The following ZNF254 variants were observed in gnomAD, a reference collection of about 807,000 sequenced individuals.
ZNF254 encodes CTD-2017D11.1.
A neutral mutation model predicts 12.4 loss-of-function variants in ZNF254; 10 were observed. The ratio of observed to expected loss-of-function variants is 0.80; its 90% confidence interval spans 0.50 to 1.36. The LOEUF (loss-of-function observed/expected upper bound fraction) is 1.36. Ranked by LOEUF, ZNF254 falls within the 40% of genes most tolerant of loss-of-function variation. The probability of loss-of-function intolerance (pLI) is 0.00; values close to 1 mark genes in which losing one functional copy is unlikely to be tolerated. For missense variants in ZNF254, 996 were observed against 763.9 expected (o/e 1.30, Z -3.58); for synonymous variants, 305 against 253.4 (o/e 1.20, Z -1.93).
At chr19:24,090,080 C>T (rs192016418) in intron 1 of ZNF254, among the ~76,000 whole-genome samples, 5 of 150,308 alleles carry the variant, frequency 3.3e-5, no homozygotes, top group East Asian at 3.9e-4. Context: ...GGCCTGTAAT[C>T]GCAGCTACTC....
At chr19:24,093,157 G>T (rs1442483018) in intron 1 of ZNF254, among the ~76,000 whole-genome samples, 4 of 151,324 alleles carry the variant, frequency 2.6e-5, no homozygotes, top group African/African-American at 9.7e-5. Flanking sequence ...TTTTTTTCTT[G>T]TAAACTTAAG....
chr19:24,112,627 GAGC>G (rs1358365413), intron 3 of ZNF254, among the ~76,000 whole-genome samples: 5 of 151,054 alleles, frequency 3.3e-5, no homozygotes, highest in Non-Finnish European at 7.4e-5. Flanking sequence ...TTATTTCATT[GAGC>G]AGTGGTTTGT....
intron 2 of ZNF254, among the ~76,000 whole-genome samples, chr19:24,046,862 C>CT (rs756475156): frequency 2.5e-3 from 354 of 139,792 alleles, no homozygotes; most frequent in African/African-American, 5.1e-3. Flanking sequence ...TTCATCTTTC[C>CT]TTTTTTTTTT....
chr19:24,050,325 G>A (rs772729091), intron 2 of ZNF254, among the ~76,000 whole-genome samples: 17 of 151,946 alleles, frequency 1.1e-4, no homozygotes, highest in Non-Finnish European at 2.2e-4. Flanking sequence ...ACGTCTGGCT[G>A]ATTTTTGTGT....
intron 2 of ZNF254, among the ~76,000 whole-genome samples, chr19:24,064,893 C>G (rs1971214871): frequency 6.6e-6 from 1 of 152,278 alleles, no homozygotes; most frequent in Middle Eastern, 3.4e-3. Flanking sequence ...TGTGTGGGCT[C>G]TCACACAGAA....
At chr19:24,084,640 A>AT (rs772667054), upstream of ZNF254, among the ~76,000 whole-genome samples, 140 of 152,060 alleles carry the variant, frequency 9.2e-4, no homozygotes, top group African/African-American at 3.3e-3. Context: ...TTTATTTTTT[A>AT]TTTTTTAGAA....
chr19:24,116,707 T>G (rs1479999553), intron 3 of ZNF254, among the ~76,000 whole-genome samples: 4 of 152,202 alleles, frequency 2.6e-5, no homozygotes, highest in Non-Finnish European at 5.9e-5. Flanking sequence ...GTCAAAGTCA[T>G]TCTCCACCCA....
chr19:24,086,622 C>T (rs758200950), upstream of ZNF254, among the ~76,000 whole-genome samples: 1 of 152,120 alleles, frequency 6.6e-6, no homozygotes, highest in Non-Finnish European at 1.5e-5. Context: ...GTATTACAGG[C>T]ACGTGCCACT....
chr19:24,042,791 T>G (rs1476581890), intron 1 of ZNF254, among the ~76,000 whole-genome samples: 1 of 152,220 alleles, frequency 6.6e-6, no homozygotes, highest in Non-Finnish European at 1.5e-5. Flanking sequence ...ACGGCAGTAA[T>G]TATGGGCCCA....
chr19:24,046,565 TAC>T (rs2145253172), intron 2 of ZNF254, among the ~76,000 whole-genome samples: 1 of 151,980 alleles, frequency 6.6e-6, no homozygotes, highest in African/African-American at 2.4e-5. Flanking sequence ...TCTGAAGCCA[TAC>T]ACACAATTCA....
chr19:24,112,492 C>T (rs1287183991), intron 3 of ZNF254, among the ~76,000 whole-genome samples: 2 of 149,576 alleles, frequency 1.3e-5, no homozygotes, highest in African/African-American at 2.5e-5. Context: ...TGAAGAAAAT[C>T]ATTGGTAGCT....
At chr19:24,072,822 T>G (rs1568439324) in intron 2 of ZNF254, among the ~76,000 whole-genome samples, 2 of 152,218 alleles carry the variant, frequency 1.3e-5, no homozygotes, top group Non-Finnish European at 2.9e-5. Flanking sequence ...CCAGGTGATA[T>G]GACTCTCTGT....
rs566818998 is a variant in ZNF254 at position 24,053,287 on chromosome 19, C to T, written c.-94+7008C>T. On this transcript the variant is annotated intron_variant, in intron 2 of 4. Coordinates refer to the ZNF254 transcript ENST00000613065. ...ATCCAGACCATCATTGAGACTGTCA[C>T]TCAGGTACTTACACCCAACATACAG... is the stretch of plus-strand genomic sequence containing the variant. Among the ~76,000 whole-genome samples the T allele has an allele frequency of 3.3e-5, 5 of 152,316 alleles. No individual in the cohort carries two copies. In the South Asian group the frequency reaches 1.0e-3, roughly 32 times the overall value.
At chr19:24,045,823 G>A (rs1281304628) in intron 1 of ZNF254, among the ~76,000 whole-genome samples, 1 of 151,944 alleles carries the variant, frequency 6.6e-6, no homozygotes, top group African/African-American at 2.4e-5. Context: ...AACATAACAA[G>A]GGCTTTATTT....
At chr19:24,038,835 C>T (rs1179101334) in intron 1 of ZNF254, among the ~76,000 whole-genome samples, 1 of 152,234 alleles carries the variant, frequency 6.6e-6, no homozygotes, top group African/African-American at 2.4e-5. Flanking sequence ...TATTCCAGCT[C>T]TGTCTTTCTA....
chr19:24,115,807 T>C (rs1254972332), intron 3 of ZNF254, among the ~76,000 whole-genome samples: 2 of 152,206 alleles, frequency 1.3e-5, no homozygotes, highest in African/African-American at 4.8e-5. Context: ...TTTCTACAAT[T>C]TGGCATGATT....
chr19:24,112,822 A>G (rs1200739771), intron 3 of ZNF254, among the ~76,000 whole-genome samples: 6 of 152,230 alleles, frequency 3.9e-5, no homozygotes, highest in Non-Finnish European at 8.8e-5. Flanking sequence ...AATCAAATAG[A>G]TGCAATAAAA....
intron 2 of ZNF254, among the ~76,000 whole-genome samples, chr19:24,060,454 C>G (rs1381636845): frequency 6.6e-6 from 1 of 152,156 alleles, no homozygotes; most frequent in Non-Finnish European, 1.5e-5. Context: ...TAATTTGTCT[C>G]CTGCCTAAAC....
At chr19:24,064,147 G>T (rs1413066182) in intron 2 of ZNF254, among the ~76,000 whole-genome samples, 3 of 152,098 alleles carry the variant, frequency 2.0e-5, no homozygotes, top group Non-Finnish European at 4.4e-5. Context: ...TCCACAGTGG[G>T]AATTGTGATA....
Sources: allele counts gnomAD v4.1 joint callset (sites outside exome capture counted in the v4.1 genomes callset), GRCh38; gene constraint gnomAD v4.1.1; transcripts MANE v1.5; gene names NCBI Gene and HGNC (gene_info 2026-07-23, HGNC 2026-07-21).